The following FGGY variants were observed in gnomAD, a reference collection of about 807,000 sequenced individuals.
FGGY encodes FGGY carbohydrate kinase domain-containing protein.
In FGGY, 72 loss-of-function variants were observed where a neutral mutation model predicts 71.3. The observed-to-expected ratio is 1.01, with a 90% CI of 0.84 to 1.23. The LOEUF (loss-of-function observed/expected upper bound fraction) is 1.23. FGGY is among the 50% of genes most tolerant of loss of function. The probability of loss-of-function intolerance (pLI) is 0.00; values close to 1 mark genes in which losing one functional copy is unlikely to be tolerated. For synonymous variants in FGGY, 251 were observed against 250.3 expected (o/e 1.00, Z -0.02); for missense variants, 668 against 682.3 (o/e 0.98, Z 0.23).
At chr1:59,673,220 G>A (rs1214759607) in intron 13 of FGGY, among the ~76,000 whole-genome samples, 2 of 152,228 alleles carry the variant, frequency 1.3e-5, no homozygotes, top group African/African-American at 4.8e-5. Flanking sequence ...AGTTAAGGGG[G>A]TAAGGAGTGT....
chr1:59,440,497 C>T (rs1557931904), intron 5 of FGGY, among the ~76,000 whole-genome samples: 1 of 151,984 alleles, frequency 6.6e-6, no homozygotes. Flanking sequence ...CAGTCCAACA[C>T]TCAAAGTAGT....
intron 6 of FGGY, among the ~76,000 whole-genome samples, chr1:59,478,658 T>TA (rs55925906): frequency 0.059 from 9,015 of 152,242 alleles, 333 homozygotes; most frequent in East Asian, 0.13. Flanking sequence ...AATAAAAACA[T>TA]AGAGTAGACA....
chr1:59,461,641 G>GA (rs1444427682), intron 6 of FGGY, among the ~76,000 whole-genome samples: 1 of 151,968 alleles, frequency 6.6e-6, no homozygotes, highest in Non-Finnish European at 1.5e-5. Flanking sequence ...TGAAATGAAG[G>GA]AAAAAATGTT....
chr1:59,656,754 C>A (rs2097221851), intron 11 of FGGY, among the ~76,000 whole-genome samples: 1 of 152,154 alleles, frequency 6.6e-6, no homozygotes, highest in Non-Finnish European at 1.5e-5. Context: ...GAAATCTCTT[C>A]TAGAATTTCT....
At chr1:59,729,854 G>C (rs1483581453) in intron 14 of FGGY, among the ~76,000 whole-genome samples, 1 of 152,142 alleles carries the variant, frequency 6.6e-6, no homozygotes, top group African/African-American at 2.4e-5. Flanking sequence ...GAGTTGAAGA[G>C]ATGTCCTTCC....
intron 14 of FGGY, among the ~76,000 whole-genome samples, chr1:59,687,693 C>T (rs564685022): frequency 2.0e-5 from 3 of 151,374 alleles, no homozygotes; most frequent in African/African-American, 7.3e-5. Flanking sequence ...TGACCTCGAT[C>T]TCCTGACCTC....
chr1:59,529,877 T>C (rs542509376), intron 7 of FGGY, among the ~76,000 whole-genome samples: 29 of 152,370 alleles, frequency 1.9e-4, no homozygotes, highest in African/African-American at 7.0e-4. Context: ...AACAAATCCA[T>C]GCATTAGGCA....
At chr1:59,411,225 T>C (rs2063558371) in intron 5 of FGGY, among the ~76,000 whole-genome samples, 1 of 152,238 alleles carries the variant, frequency 6.6e-6, no homozygotes, top group South Asian at 2.1e-4. Context: ...TTGTAGAATG[T>C]CCCTCACTTT....
intron 8 of FGGY, among the ~76,000 whole-genome samples, chr1:59,599,447 C>T (rs936446524): frequency 1.4e-4 from 22 of 151,950 alleles, no homozygotes; most frequent in African/African-American, 5.3e-4. Flanking sequence ...GTAATCCCAG[C>T]ACTTTGGGAG....
intron 5 of FGGY, among the ~76,000 whole-genome samples, chr1:59,456,511 C>T (rs6668191): frequency 0.37 from 55,497 of 149,216 alleles, 11,031 homozygotes; most frequent in Middle Eastern, 0.51. Flanking sequence ...TGCAGTGGCA[C>T]GATCTTGGCT....
At chr1:59,685,064 G>A (rs536521765) in intron 14 of FGGY, among the ~76,000 whole-genome samples, 7 of 152,324 alleles carry the variant, frequency 4.6e-5, no homozygotes, top group African/African-American at 1.7e-4. Context: ...GTGGCAGAAC[G>A]ATGGTTTAAA....
intron 5 of FGGY, among the ~76,000 whole-genome samples, chr1:59,455,762 G>A (rs1198231415): frequency 1.3e-5 from 2 of 152,208 alleles, no homozygotes; most frequent in East Asian, 3.9e-4. Flanking sequence ...GAAGAGGAGT[G>A]CCTAACCCAG....
At chr1:59,345,091 A>C (rs1397629977) in intron 3 of FGGY, among the ~76,000 whole-genome samples, 3 of 152,174 alleles carry the variant, frequency 2.0e-5, no homozygotes, top group Non-Finnish European at 4.4e-5. Context: ...AACAGGGGTT[A>C]AAAACCTGTA....
intron 1 of FGGY, among the ~76,000 whole-genome samples, chr1:59,300,382 C>CATTG (rs2042582571): frequency 6.6e-6 from 1 of 152,082 alleles, no homozygotes; most frequent in Non-Finnish European, 1.5e-5. Flanking sequence ...TTATTCTTAT[C>CATTG]ATAAGTTCTT....
chr1:59,536,509 A>G (rs1228400493), intron 7 of FGGY, among the ~76,000 whole-genome samples: 1 of 152,194 alleles, frequency 6.6e-6, no homozygotes, highest in African/African-American at 2.4e-5. Flanking sequence ...TACCAAAGCC[A>G]GGCAGAGACA....
intron 7 of FGGY, among the ~76,000 whole-genome samples, chr1:59,539,524 G>T (rs1217858672): frequency 1.3e-5 from 2 of 152,110 alleles, no homozygotes; most frequent in African/African-American, 4.8e-5. Context: ...ATTTTTCAGT[G>T]AAATAGTACC....
intron 12 of FGGY, among the ~76,000 whole-genome samples, chr1:59,665,101 C>A (rs183950278): frequency 1.3e-5 from 2 of 152,326 alleles, no homozygotes; most frequent in Admixed American, 6.5e-5. Context: ...CCACAGGCAT[C>A]AAATGATCCA....
chr1:59,571,916 C>A (rs2095993179), intron 8 of FGGY, among the ~76,000 whole-genome samples: 1 of 151,954 alleles, frequency 6.6e-6, no homozygotes, highest in African/African-American at 2.4e-5. Context: ...TTAAAAAATG[C>A]CTACAAAAGC....
intron 10 of FGGY, among the ~76,000 whole-genome samples, chr1:59,630,055 A>C (rs1000032875): frequency 1.2e-4 from 18 of 152,254 alleles, no homozygotes; most frequent in African/African-American, 4.1e-4. Flanking sequence ...TCATGGTGGA[A>C]GGGGAAACAA....
Sources: gnomAD v4.1 joint callset for allele counts (sites outside exome capture counted in the v4.1 genomes callset) on GRCh38, gnomAD v4.1.1 for gene constraint, MANE v1.5 for transcripts, NCBI Gene and HGNC (gene_info 2026-07-23, HGNC 2026-07-21) for gene names.